SASH3: variants seen among roughly 807,000 people sequenced by gnomAD.
SASH3 encodes SAM and SH3 domain-containing protein 3.
SASH3 carries 7 observed loss-of-function variants against 26.1 expected under a neutral mutation model. That is an observed-to-expected ratio of 0.27 (90% CI 0.15 to 0.50). The LOEUF (loss-of-function observed/expected upper bound fraction) is 0.50, where lower values mean the gene tolerates loss of function less well. Ranked by LOEUF, SASH3 falls within the 20% of genes least tolerant of loss-of-function variation. The pLI is 0.98. For missense variants in SASH3, 231 were observed against 318.3 expected (o/e 0.73, Z 2.09); for synonymous variants, 138 against 136.8 (o/e 1.01, Z -0.06).
chrX:129,788,842 C>T (rs1169772221), intron 3 of SASH3, among the ~76,000 whole-genome samples: 3 of 110,612 alleles, frequency 2.7e-5, no homozygotes, highest in Middle Eastern at 4.6e-3. Flanking sequence ...CATGGTGGCT[C>T]CTGCCTATAA....
In SASH3 at chrX:129,788,473, G is replaced by A; in HGVS notation, c.196G>A (p.Gly66Arg). The A allele has an allele frequency of 1.7e-6, 2 of 1,211,372 alleles. No homozygotes were observed. Among genetic ancestry groups the A allele is most frequent in the Non-Finnish European group, 2.2e-6 (2 of 895,036 alleles). ...AGGTGTCCCCACCCCAGAAGATGCT[G>A]GGAAGAGTGGCAAAAAGCTGGGGAA... ...DSGVPTPEDAGKSGKKLGKKW... is the reference protein window; with the variant it reads ...DSGVPTPEDARKSGKKLGKKW... Residue 66 changes from glycine to arginine, a missense_variant, in exon 3 of 8, where the codon GGG (glycine) becomes AGG (arginine). Gly to Arg is a moderately radical substitution (Grantham distance 125). Coordinates refer to ENST00000356892, the MANE Select transcript of SASH3 (RefSeq NM_018990.4).
chrX:129,784,947 T>C (rs745746824), intron 1 of SASH3, among the ~76,000 whole-genome samples: 22 of 109,571 alleles, frequency 2.0e-4, no homozygotes, highest in African/African-American at 7.0e-4. Context: ...TATATTGAAA[T>C]ATATATTGTT....
intron 1 of SASH3, among the ~76,000 whole-genome samples, chrX:129,780,651 A>G (rs888522337): frequency 8.9e-6 from 1 of 112,535 alleles, no homozygotes; most frequent in Non-Finnish European, 1.9e-5. Context: ...CACTTTGGCC[A>G]TGGCCCAGAC....
chrX:129,781,183 C>T (rs930014864), intron 1 of SASH3, among the ~76,000 whole-genome samples: 1 of 112,407 alleles, frequency 8.9e-6, no homozygotes, highest in African/African-American at 3.2e-5. Context: ...TTCCCTGGAA[C>T]TCAGCCCAGG....
intron 1 of SASH3, among the ~76,000 whole-genome samples, chrX:129,781,070 CA>C (rs1328145063): frequency 4.5e-5 from 5 of 112,188 alleles, no homozygotes; most frequent in African/African-American, 9.7e-5. Context: ...AGGATTCTCC[CA>C]GACAATCAGC....
chrX:129,790,848 C>G (rs920478802), intron 3 of SASH3, 92 bp from the exon 4 acceptor site: 34 of 1,024,399 alleles, frequency 3.3e-5, no homozygotes, highest in Non-Finnish European at 4.5e-5. Flanking sequence ...TTGAGCCAGC[C>G]CCTAGCTCTT....
At chrX:129,785,544 G>A (rs943777553) in intron 1 of SASH3, among the ~76,000 whole-genome samples, 2 of 112,086 alleles carry the variant, frequency 1.8e-5, no homozygotes, top group Admixed American at 9.4e-5. Flanking sequence ...AGGGACCCTC[G>A]CACAAGGGTC....
chrX:129,795,102 A>G lies in SASH3; in HGVS notation c.*1270A>G, dbSNP rs181999253. ...TGGACACACTTCTTGACCTCCTACC[A>G]GGAACTTTGGTAAAAGCTAGCTTTG... On this transcript the variant is annotated 3_prime_UTR_variant, in exon 8 of 8. Transcript: ENST00000356892. 1.4e-4 allele frequency: 16 copies of G among 111,405 alleles called. No homozygotes were observed. The highest frequency in any genetic ancestry group is 5.2e-4 in the African/African-American group (16 of 30,544). The allele number at this position is 111,405 out of a possible 1,213,427, so 9.2% of individuals were successfully genotyped here.
intron 3 of SASH3, among the ~76,000 whole-genome samples, chrX:129,789,344 G>T (rs1460379285): frequency 9.1e-6 from 1 of 109,780 alleles, no homozygotes; most frequent in Admixed American, 9.7e-5. Flanking sequence ...CCCTATGAGA[G>T]AAAACAGATT....
chrX:129,792,226 C>A (rs1252086570), intron 4 of SASH3, 102 bp from the exon 5 acceptor site: 9 of 963,857 alleles, frequency 9.3e-6, no homozygotes, highest in South Asian at 2.3e-5. Flanking sequence ...CCGGTGTATA[C>A]CCTTGGGATT....
intron 1 of SASH3, among the ~76,000 whole-genome samples, chrX:129,785,869 C>T (rs1185790757): frequency 8.9e-6 from 1 of 112,693 alleles, no homozygotes; most frequent in Non-Finnish European, 1.9e-5. Context: ...GCCCGATGCC[C>T]ACCCTCTCTC....
chrX:129,786,768 G>A (rs1927113945), intron 1 of SASH3, among the ~76,000 whole-genome samples: 1 of 111,234 alleles, frequency 9.0e-6, no homozygotes, highest in South Asian at 3.8e-4. Flanking sequence ...AGGCTGAGGC[G>A]GCAGATCGCG....
intron 1 of SASH3, among the ~76,000 whole-genome samples, chrX:129,780,712 G>A (rs1205787321): frequency 8.8e-6 from 1 of 113,033 alleles, no homozygotes; most frequent in Non-Finnish European, 1.9e-5. Flanking sequence ...TACCCGAGAT[G>A]GAGCCAACCT....
chrX:129,791,019 C>T lies in SASH3; in HGVS notation c.380C>T (p.Ala127Val), dbSNP rs766601056. The change falls in exon 4 of 8, where the codon GCG (alanine) becomes GTG (valine). Residue 127 changes from alanine (A) to valine (V), a missense_variant. Ala to Val is a moderately conservative substitution (Grantham distance 64). Transcript: ENST00000356892. ...GACAGCCCTGGCCCTGAGAAGATGG[C>T]GCTGGCCTTTTCTGAGCAAGAGGAG... ...SLDSPGPEKM[A>V]LAFSEQEEHE... 9.9e-6 allele frequency: 12 copies of T among 1,211,563 alleles called. No individual in the cohort carries two copies. The highest frequency in any genetic ancestry group is 7.0e-5 in the South Asian group (4 of 56,978).
rs946309309 is a variant in SASH3, at chrX:129,794,992, C to G, written c.*1160C>G. ...CCTTGACCCCAGTACGAAGTCTATG[C>G]CCTGAATCCCCAGAGTAGCCCTTCC... On this transcript the variant is annotated 3_prime_UTR_variant, in exon 8 of 8. Transcript: ENST00000356892. The G allele has an allele frequency of 9.0e-6, 1 of 111,453 alleles. No individual in the cohort carries two copies. The highest frequency in any genetic ancestry group is 9.6e-5 in the Admixed American group (1 of 10,435). The allele number at this position is 111,453 out of a possible 1,213,427, so 9.2% of individuals were successfully genotyped here. A position where few individuals can be genotyped will look rare whatever the true frequency, so the allele number is the denominator to read the frequency against.
rs758842379 is a variant in SASH3, at chrX:129,791,067, G to A, written c.428G>A (p.Arg143His). ...GAGCATGAACTTCCGGTGCTCAGCC[G>A]CCAGGCATCAACAGGTGAGTAGGGG... ...QEEHELPVLS[R>H]QASTGSELCS... Residue 143 changes from arginine (R) to histidine (H), a missense_variant, in exon 4 of 8, where the codon CGC (arginine) becomes CAC (histidine). Transcript: ENST00000356892. 1.7e-5 allele frequency: 21 copies of A among 1,208,963 alleles called. No homozygotes were observed. Among genetic ancestry groups the A allele is most frequent in the South Asian group, 1.1e-4 (6 of 56,606 alleles).
chrX:129,791,074 A>G lies in SASH3; in HGVS notation c.435A>G (p.Ala145=), dbSNP rs775214977. Reference sequence around the variant, plus strand: ...AACTTCCGGTGCTCAGCCGCCAGGCATCAACAGGTGAGTAGGGGATGCGGG... The same window carrying G: ...AACTTCCGGTGCTCAGCCGCCAGGCGTCAACAGGTGAGTAGGGGATGCGGG... ...EHELPVLSRQ[A]STGSELCSPS... The change falls in exon 4 of 8, where the codon GCA becomes GCG. Residue 145 remains alanine (A), a synonymous_variant. Transcript: ENST00000356892. The G allele has an allele frequency of 2.1e-5, 25 of 1,209,303 alleles. No individual in the cohort carries two copies. Among genetic ancestry groups the G allele is most frequent in the African/African-American group, 7.0e-5 (4 of 57,198 alleles).
chrX:129,789,696 A>T (rs1016226692), intron 3 of SASH3, among the ~76,000 whole-genome samples: 1 of 111,804 alleles, frequency 8.9e-6, no homozygotes, highest in Non-Finnish European at 1.9e-5. Flanking sequence ...CAGGGAGGAA[A>T]GTTGGCACAG....
chrX:129,787,905 G>C, intron 1 of SASH3, 70 bp from the exon 2 acceptor site: 1 of 797,549 alleles, frequency 1.3e-6, no homozygotes. Context: ...TGTGTGGTGG[G>C]GGGAGGCGAG....
Sources: allele counts gnomAD v4.1 joint callset (sites outside exome capture counted in the v4.1 genomes callset), GRCh38; gene constraint gnomAD v4.1.1; transcripts MANE v1.5; gene names NCBI Gene and HGNC (gene_info 2026-07-23, HGNC 2026-07-21).